The following COL14A1 variants were observed in gnomAD, a reference collection of about 807,000 sequenced individuals.
COL14A1 encodes collagen type XIV alpha 1 chain.
A neutral mutation model predicts 230.3 loss-of-function variants in COL14A1; 136 were observed. The ratio of observed to expected loss-of-function variants is 0.59; its 90% confidence interval spans 0.51 to 0.68. COL14A1 has a LOEUF of 0.68. COL14A1 is among the 30% of genes least tolerant of loss of function. The pLI, the probability that COL14A1 is intolerant of heterozygous loss-of-function variation, is 0.00. For missense variants in COL14A1, 1,976 were observed against 2,215.8 expected (o/e 0.89, Z 2.17); for synonymous variants, 792 against 784.1 (o/e 1.01, Z -0.17).
chr8:120,330,308 C>T (rs774448170), intron 40 of COL14A1, among the ~76,000 whole-genome samples: 15 of 152,276 alleles, frequency 9.9e-5, no homozygotes, highest in Non-Finnish European at 1.5e-4. Flanking sequence ...CTCCTCCACA[C>T]TCGTCCTACC....
At chr8:120,224,393 T>G (rs1818030953) in intron 14 of COL14A1, among the ~76,000 whole-genome samples, 1 of 152,182 alleles carries the variant, frequency 6.6e-6, no homozygotes, top group East Asian at 1.9e-4. Flanking sequence ...AAATGAATCC[T>G]AGGGCTCAGA....
chr8:120,261,977 T>A (rs2129760669), intron 23 of COL14A1, among the ~76,000 whole-genome samples: 1 of 152,272 alleles, frequency 6.6e-6, no homozygotes, highest in South Asian at 2.1e-4. Context: ...AGCTCTTGCC[T>A]GCTGTTGTGG....
intron 34 of COL14A1, among the ~76,000 whole-genome samples, chr8:120,291,327 C>T (rs776543371): frequency 4.6e-5 from 7 of 151,704 alleles, no homozygotes; most frequent in Admixed American, 3.3e-4. Flanking sequence ...TTTGGGAGGC[C>T]GAGGTGGGTG....
intron 36 of COL14A1, among the ~76,000 whole-genome samples, chr8:120,309,430 TAC>T (rs1373065633): frequency 9.9e-5 from 15 of 152,160 alleles, no homozygotes; most frequent in African/African-American, 3.1e-4. Flanking sequence ...AGGGAATATA[TAC>T]ACATATATAT....
At chr8:120,358,945 C>G (rs1330986941) in intron 45 of COL14A1, among the ~76,000 whole-genome samples, 1 of 151,950 alleles carries the variant, frequency 6.6e-6, no homozygotes, top group African/African-American at 2.4e-5. Flanking sequence ...TTTCATTGTT[C>G]TAGATTTGAC....
intron 13 of COL14A1, 56 bp downstream of exon 13, chr8:120,212,633 G>A (rs1586770878): frequency 6.3e-7 from 1 of 1,599,302 alleles, no homozygotes; most frequent in South Asian, 1.1e-5. Context: ...CATGAATGTG[G>A]GGATTCTGAA....
chr8:120,367,299 C>T lies in COL14A1; in HGVS notation c.5155+51C>T, dbSNP rs139078450. The T allele has an allele frequency of 1.9e-3, 2,738 of 1,444,968 alleles. 50 individuals are homozygous for T. In the African/African-American group the frequency reaches 0.034, roughly 18 times the overall value. The allele number at this position is 1,444,968 out of a possible 1,614,324, so 89.5% of individuals were successfully genotyped here. A position where few individuals can be genotyped will look rare whatever the true frequency, so the allele number is the denominator to read the frequency against. On this transcript the variant is annotated intron_variant, in intron 46 of 47. Transcript: ENST00000297848. Reference sequence around the variant, plus strand: ...CTGCAAATGTATATTTTTATATTCACTTGGCATTGCAAGTGAGGAAAATGG... The same window carrying T: ...CTGCAAATGTATATTTTTATATTCATTTGGCATTGCAAGTGAGGAAAATGG...
At position 120,278,174 on chromosome 8, in the gene COL14A1, A is replaced by G; in HGVS notation, c.3277A>G (p.Lys1093Glu). The change falls in exon 27 of 48, where the codon AAA becomes GAA. Residue 1093 changes from lysine to glutamate, a missense_variant. By Grantham distance (56) the Lys-to-Glu change is moderately conservative. Coordinates refer to ENST00000297848, the MANE Select transcript of COL14A1 (RefSeq NM_021110.4). ...ATTTAAACTAAATGCTTACAAAACC[A>G]AAGAGACTCTTCTTGATGCAATTAA... ...TEFKLNAYKT[K>E]ETLLDAIKHI... The G allele has an allele frequency of 6.2e-7, 1 of 1,612,292 alleles. No individual in the cohort carries two copies. The highest frequency in any genetic ancestry group is 8.5e-7 in the Non-Finnish European group (1 of 1,179,062).
At chr8:120,263,796 G>A (rs1232936709) in intron 24 of COL14A1, among the ~76,000 whole-genome samples, 6 of 152,122 alleles carry the variant, frequency 3.9e-5, no homozygotes, top group African/African-American at 1.4e-4. Context: ...TACTATCTGT[G>A]TATAGCTCTT....
At chr8:120,169,015 C>G (rs923028770) in intron 5 of COL14A1, among the ~76,000 whole-genome samples, 1 of 152,060 alleles carries the variant, frequency 6.6e-6, no homozygotes, top group Non-Finnish European at 1.5e-5. Flanking sequence ...GCCACCATGC[C>G]CAGCTAATTT....
At chr8:120,227,186 A>G in intron 16 of COL14A1, 34 bp from the exon 17 acceptor site, 2 of 1,601,700 alleles carry the variant, frequency 1.2e-6, no homozygotes, top group East Asian at 2.2e-5. Context: ...TTTTTCAAAT[A>G]AGCATAGTTA....
chr8:120,255,177 A>T, intron 22 of COL14A1, 63 bp from the exon 23 acceptor site: 1 of 1,327,722 alleles, frequency 7.5e-7, no homozygotes, highest in Non-Finnish European at 1.1e-6. Flanking sequence ...AGTTAATTTC[A>T]GATTCAGGGA....
intron 12 of COL14A1, among the ~76,000 whole-genome samples, chr8:120,210,674 G>A (rs1345690740): frequency 2.6e-5 from 4 of 152,160 alleles, no homozygotes; most frequent in Non-Finnish European, 5.9e-5. Flanking sequence ...TGAAGAGGAT[G>A]AATCTCTGGC....
In COL14A1 at chr8:120,300,805, C is replaced by T; in HGVS notation, c.4388C>T (p.Pro1463Leu). The change falls in exon 36 of 48, where the codon CCA (proline) becomes CTA (leucine). Residue 1463 changes from proline (P) to leucine (L), a missense_variant. Transcript: ENST00000297848. ...GAAACCAATGAAGTGGCTCTGGGAC[C>T]AGCGGGCCCACCAGTAAGTCTTGCT... ...CSETNEVALG[P>L]AGPPGGPGLR... 6.2e-7 allele frequency: 1 copy of T among 1,613,428 alleles called. No homozygotes were observed. Among genetic ancestry groups the T allele is most frequent in the Non-Finnish European group, 8.5e-7 (1 of 1,179,508 alleles).
In COL14A1 at chr8:120,135,548, G is replaced by A. The variant is rs112606296; in HGVS notation, c.-38+10208G>A. Reference sequence around the variant, plus strand: ...CCAAAGTGCTGGATTACAGGTGTGAGCCCTGTGCCCAACCCATTAATACTT... The same window carrying A: ...CCAAAGTGCTGGATTACAGGTGTGAACCCTGTGCCCAACCCATTAATACTT... On this transcript the variant is annotated intron_variant, in intron 1 of 47. Transcript: ENST00000297848. Among the ~76,000 whole-genome samples the A allele has an allele frequency of 5.8e-3, 889 of 152,254 alleles. 10 individuals carry two copies. Among genetic ancestry groups the A allele is most frequent in the African/African-American group, 0.018 (763 of 41,530 alleles).
chr8:120,294,533 T>A (rs1319460902), intron 34 of COL14A1, among the ~76,000 whole-genome samples: 2 of 151,266 alleles, frequency 1.3e-5, no homozygotes, highest in Non-Finnish European at 3.0e-5. Context: ...GGATTAGTTC[T>A]CTAAAGTATT....
rs371922690 is a variant in COL14A1 at position 120,369,279 on chromosome 8, C to A, written c.5156-51C>A. On this transcript the variant is annotated intron_variant, in intron 46 of 47. Transcript: ENST00000297848. ...TTTACTTCTTGGTTGTCTCAAAACT[C>A]ACCCTGTTGTGGCAAAAGACCAACG... is the stretch of plus-strand genomic sequence containing the variant. The A allele has an allele frequency of 1.1e-5, 16 of 1,453,320 alleles. No homozygotes were observed. In the African/African-American group the frequency reaches 2.2e-4, roughly 20 times the overall value. 90.0% of individuals were successfully genotyped at this position (1,453,320 alleles called of 1,614,324 possible).
At chr8:120,348,119 G>A (rs1822587182) in intron 45 of COL14A1, among the ~76,000 whole-genome samples, 1 of 151,008 alleles carries the variant, frequency 6.6e-6, no homozygotes, top group African/African-American at 2.4e-5. Context: ...CAAAAACGTG[G>A]AACCAACCCA....
chr8:120,150,622 C>T (rs1486522654), intron 2 of COL14A1, among the ~76,000 whole-genome samples: 1 of 152,084 alleles, frequency 6.6e-6, no homozygotes, highest in Non-Finnish European at 1.5e-5. Context: ...CAATAGTTCT[C>T]TCTTTAGTGT....
Sources: allele counts gnomAD v4.1 joint callset (sites outside exome capture counted in the v4.1 genomes callset), GRCh38; gene constraint gnomAD v4.1.1; transcripts MANE v1.5; gene names NCBI Gene and HGNC (gene_info 2026-07-23, HGNC 2026-07-21).